The following OTOGL variants were observed in gnomAD, a reference collection of about 807,000 sequenced individuals.
OTOGL encodes otogelin-like protein.
OTOGL carries 285 observed loss-of-function variants against 318.5 expected under a neutral mutation model. That is an observed-to-expected ratio of 0.89 (90% confidence interval 0.81 to 0.99). The LOEUF (loss-of-function observed/expected upper bound fraction) is 0.99, where lower values mean the gene tolerates loss of function less well. Ranked by LOEUF, OTOGL falls within the 50% of genes least tolerant of loss-of-function variation. OTOGL has a pLI of 0.00. For synonymous variants in OTOGL, 987 were observed against 936.5 expected (o/e 1.05, Z -0.99); for missense variants, 2,899 against 2,845.6 (o/e 1.02, Z -0.43).
At chr12:80,278,050 A>G in intron 24 of OTOGL, 118 bp from the exon 25 acceptor site, 1 of 731,374 alleles carries the variant, frequency 1.4e-6, no homozygotes, top group Non-Finnish European at 2.2e-6. Flanking sequence ...GGTTAGATAG[A>G]GTGCCTTAGA....
At chr12:80,165,966 G>A (rs1565885357) in intron 1 of OTOGL, among the ~76,000 whole-genome samples, 1 of 152,182 alleles carries the variant, frequency 6.6e-6, no homozygotes, top group African/African-American at 2.4e-5. Context: ...CCTTCCTGCT[G>A]TAAAGCCAAT....
chr12:80,162,980 AGAT>A (rs974883854), intron 1 of OTOGL, among the ~76,000 whole-genome samples: 2 of 152,048 alleles, frequency 1.3e-5, no homozygotes, highest in Non-Finnish European at 2.9e-5. Context: ...ATCAATGGAA[AGAT>A]GATGATTTGT....
Position 80,342,128 on chromosome 12 carries a change from T to TA in OTOGL, c.5234dup (p.Asn1745LysfsTer2). 6.3e-7 allele frequency: 1 copy of TA among 1,592,670 alleles called. No homozygotes were observed. Among genetic ancestry groups the TA allele is most frequent in the Non-Finnish European group, 8.6e-7 (1 of 1,168,176 alleles). On this transcript the variant is annotated frameshift_variant, in exon 44 of 59. Transcript: ENST00000547103. LOFTEE classifies it high-confidence loss of function. ...GATTGCAGCCAGTGCATTGATTTAT[T>TA]AAATAGAAGAATTTTCATTCCATGT...
At chr12:80,126,791 G>A (rs1381380921) in intron 1 of OTOGL, among the ~76,000 whole-genome samples, 2 of 152,166 alleles carry the variant, frequency 1.3e-5, no homozygotes, top group Non-Finnish European at 1.5e-5. Flanking sequence ...TTACCATTAT[G>A]TAATGGCCTT....
At chr12:80,295,567 T>C (rs1035361868) in intron 26 of OTOGL, among the ~76,000 whole-genome samples, 2 of 152,180 alleles carry the variant, frequency 1.3e-5, no homozygotes, top group African/African-American at 4.8e-5. Context: ...AGGAAGTGTG[T>C]GTGGGCCTTT....
intron 18 of OTOGL, among the ~76,000 whole-genome samples, chr12:80,258,779 A>G (rs1459855622): frequency 6.6e-6 from 1 of 152,022 alleles, no homozygotes; most frequent in Non-Finnish European, 1.5e-5. Flanking sequence ...GAAGCAAAGT[A>G]TTATAGAATG....
At chr12:80,255,515 C>T (rs76092625) in intron 16 of OTOGL, among the ~76,000 whole-genome samples, 7,041 of 151,640 alleles carry the variant, frequency 0.046, 553 homozygotes, top group African/African-American at 0.16. Context: ...TAGTTTTGTA[C>T]GTATAGTTTT....
rs143988865 is a variant in OTOGL, at chr12:80,164,819, C to T, written c.-19-44594C>T. Among the ~76,000 whole-genome samples the T allele has an allele frequency of 3.3e-3, 508 of 152,180 alleles. 4 individuals are homozygous for T. The highest frequency in any genetic ancestry group is 0.011 in the African/African-American group (477 of 41,536). Reference sequence around the variant, plus strand: ...ATTCTCACACTGCTATAAAGACATACCTGATGCTTGGTAATTTATAAAGAA... The same window carrying T: ...ATTCTCACACTGCTATAAAGACATATCTGATGCTTGGTAATTTATAAAGAA... On this transcript the variant is annotated intron_variant, in intron 1 of 58. Coordinates refer to ENST00000547103, the MANE Select transcript of OTOGL (RefSeq NM_001378609.3).
intron 9 of OTOGL, among the ~76,000 whole-genome samples, chr12:80,236,849 C>G (rs1283824944): frequency 7.4e-6 from 1 of 134,852 alleles, no homozygotes; most frequent in Non-Finnish European, 1.6e-5. Context: ...GGGTCTTTCT[C>G]TGTCGCACAG....
chr12:80,323,719 C>T lies in OTOGL; in HGVS notation c.4082-4C>T, dbSNP rs752877313. On this transcript the variant is annotated splice_polypyrimidine_tract_variant and splice_region_variant and intron_variant, in intron 34 of 58. Coordinates refer to ENST00000547103, the MANE Select transcript of OTOGL (RefSeq NM_001378609.3). ...CACACAATCTAAACTTTATTTTTTC[C>T]CAGAAATCCAGGCAGCAGTGCCTTA... 6.2e-7 allele frequency: 1 copy of T among 1,605,200 alleles called. No individual in the cohort carries two copies. The highest frequency in any genetic ancestry group is 2.2e-5 in the East Asian group (1 of 44,820).
chr12:80,232,861 T>C (rs1361192143), intron 8 of OTOGL, 31 bp from the exon 9 acceptor site: 13 of 1,529,046 alleles, frequency 8.5e-6, no homozygotes, highest in Non-Finnish European at 9.8e-6. Context: ...TTTATCATCA[T>C]TCTTAGATAG....
chr12:80,302,826 C>T, intron 28 of OTOGL, 43 bp downstream of exon 28: 3 of 1,377,088 alleles, frequency 2.2e-6, no homozygotes, highest in African/African-American at 1.5e-5. Flanking sequence ...TGAATAAAAT[C>T]ACATTTAGTT....
chr12:80,311,199 T>C (rs1449802133), intron 30 of OTOGL, among the ~76,000 whole-genome samples: 6 of 152,208 alleles, frequency 3.9e-5, no homozygotes, highest in African/African-American at 1.4e-4. Context: ...TTATTTTAGG[T>C]CCCAATAGAA....
intron 44 of OTOGL, among the ~76,000 whole-genome samples, chr12:80,346,370 GAAA>G (rs781556397): frequency 3.7e-4 from 55 of 150,204 alleles, no homozygotes; most frequent in Non-Finnish European, 7.1e-4. Context: ...CCTGTTGCAA[GAAA>G]AAAAAGAAAG....
At chr12:80,333,972 G>A (rs1370731739) in intron 38 of OTOGL, among the ~76,000 whole-genome samples, 2 of 152,172 alleles carry the variant, frequency 1.3e-5, no homozygotes, top group Non-Finnish European at 2.9e-5. Flanking sequence ...GTTAGACCTT[G>A]TGTTGTAAAG....
At chr12:80,323,638 G>T in intron 34 of OTOGL, 85 bp from the exon 35 acceptor site, 1 of 1,041,424 alleles carries the variant, frequency 9.6e-7, no homozygotes, top group South Asian at 1.5e-5. Flanking sequence ...GACAGAGCGA[G>T]ACTGTCTCAA....
intron 1 of OTOGL, among the ~76,000 whole-genome samples, chr12:80,122,745 A>G (rs1870560514): frequency 6.6e-6 from 1 of 152,146 alleles, no homozygotes; most frequent in African/African-American, 2.4e-5. Context: ...AACAGTATGC[A>G]AACACTCAAA....
chr12:80,180,575 C>T (rs556835620), intron 1 of OTOGL, among the ~76,000 whole-genome samples: 1 of 152,084 alleles, frequency 6.6e-6, no homozygotes, highest in Non-Finnish European at 1.5e-5. Context: ...GTTGTGGAAG[C>T]CCCATTTAAG....
chr12:80,123,235 C>T (rs958560261), intron 1 of OTOGL, among the ~76,000 whole-genome samples: 3 of 152,040 alleles, frequency 2.0e-5, no homozygotes, highest in African/African-American at 4.8e-5. Flanking sequence ...TTCCTGTGTC[C>T]ATGTGTTCTC....
Sources: allele counts gnomAD v4.1 joint callset (sites outside exome capture counted in the v4.1 genomes callset), GRCh38; gene constraint gnomAD v4.1.1; transcripts MANE v1.5; gene names NCBI Gene and HGNC (gene_info 2026-07-23, HGNC 2026-07-21).